The following SLC35F2 variants were observed in gnomAD, a reference collection of about 807,000 sequenced individuals.
SLC35F2 encodes the protein queuine/queuosine transporter SLC35F2.
Under a neutral mutation model 38.1 loss-of-function variants are expected in SLC35F2, and 25 were observed. The ratio of observed to expected loss-of-function variants is 0.66; its 90% CI spans 0.48 to 0.92. SLC35F2 has a LOEUF of 0.92. Among genes scored for constraint, SLC35F2 ranks in the 40% least tolerant of loss-of-function variants. The probability of loss-of-function intolerance (pLI) is 0.00; values close to 1 mark genes in which losing one functional copy is unlikely to be tolerated. For synonymous variants in SLC35F2, 173 were observed against 181.7 expected (o/e 0.95, Z 0.38); for missense variants, 409 against 452.9 (o/e 0.90, Z 0.88).
intron 6 of SLC35F2, chr11:107,803,487 G>C (rs1298918049): frequency 3.0e-6 from 3 of 984,948 alleles, no homozygotes; most frequent in Non-Finnish European, 3.6e-6. Flanking sequence ...GTGATAAAAG[G>C]CCAATAAAGG....
At chr11:107,805,549 T>C (rs757709391) in intron 4 of SLC35F2, 34 bp from the exon 5 acceptor site, 1 of 1,599,780 alleles carries the variant, frequency 6.3e-7, no homozygotes, top group South Asian at 1.1e-5. Flanking sequence ...AGCAAAACAC[T>C]GTCAACAGAT....
At chr11:107,832,523 C>A (rs1381499076) in intron 1 of SLC35F2, among the ~76,000 whole-genome samples, 1 of 152,148 alleles carries the variant, frequency 6.6e-6, no homozygotes, top group African/African-American at 2.4e-5. Context: ...CTATTTACAG[C>A]CAAGTGTGGT....
chr11:107,801,164 C>G (rs1859302746), intron 7 of SLC35F2, among the ~76,000 whole-genome samples: 3 of 151,998 alleles, frequency 2.0e-5, no homozygotes, highest in Admixed American at 1.3e-4. Flanking sequence ...TCCTCAGCTT[C>G]CCAAAGTGCT....
intron 1 of SLC35F2, among the ~76,000 whole-genome samples, chr11:107,831,245 T>C (rs79546301): frequency 0.012 from 1,890 of 152,316 alleles, 57 homozygotes; most frequent in African/African-American, 0.044. Flanking sequence ...CCAAATGTGA[T>C]TATCAGGAAG....
At chr11:107,840,944 T>C (rs1860005198) in intron 1 of SLC35F2, among the ~76,000 whole-genome samples, 1 of 151,788 alleles carries the variant, frequency 6.6e-6, no homozygotes, top group Admixed American at 6.6e-5. Context: ...GGCGAGGAGA[T>C]TTCCTATGAG....
Position 107,802,246 on chromosome 11 carries a change from T to A in SLC35F2, c.939+755A>T, listed in dbSNP as rs910643297. Among the ~76,000 whole-genome samples, 83 of 137,874 alleles carry A rather than the reference T, an allele frequency of 6.0e-4. 1 individual carries two copies. Among genetic ancestry groups the A allele is most frequent in the Admixed American group, 5.0e-3 (71 of 14,192 alleles). 90.5% of individuals were successfully genotyped at this position (137,874 alleles called of 152,430 possible). ...GAGTGAGACTCCATCTCAAAAAAAA[T>A]AAATAAATAATAAAATAAAATAAAT... is the stretch of plus-strand genomic sequence containing the variant. On this transcript the variant is annotated intron_variant, in intron 7 of 7. Transcript: ENST00000525815.
chr11:107,798,693 A>G (rs76894694), intron 7 of SLC35F2, among the ~76,000 whole-genome samples: 3,525 of 152,284 alleles, frequency 0.023, 64 homozygotes, highest in Non-Finnish European at 0.033. Flanking sequence ...CTCTTTTTCA[A>G]CTGTCTGCTT....
At chr11:107,812,997 T>C (rs917384418) in intron 2 of SLC35F2, among the ~76,000 whole-genome samples, 3 of 152,216 alleles carry the variant, frequency 2.0e-5, no homozygotes, top group African/African-American at 4.8e-5. Flanking sequence ...ATTAATTGGA[T>C]TCACTACTTT....
intron 1 of SLC35F2, chr11:107,858,408 C>A: frequency 2.8e-6 from 1 of 353,184 alleles, no homozygotes; most frequent in Admixed American, 4.7e-5. Flanking sequence ...GGGTTTCCCC[C>A]CAAATCCTCC....
At chr11:107,856,529 T>C (rs1860283925) in intron 1 of SLC35F2, among the ~76,000 whole-genome samples, 1 of 152,184 alleles carries the variant, frequency 6.6e-6, no homozygotes, top group Admixed American at 6.5e-5. Context: ...ACCCCATCTC[T>C]ACTAAAAGCA....
chr11:107,835,247 C>A (rs1208889362), intron 1 of SLC35F2, among the ~76,000 whole-genome samples: 1 of 152,132 alleles, frequency 6.6e-6, no homozygotes, highest in Non-Finnish European at 1.5e-5. Context: ...GCCTTGTCTG[C>A]GGGAGGTCAT....
intron 7 of SLC35F2, among the ~76,000 whole-genome samples, chr11:107,801,412 TCTCA>T (rs774046704): frequency 6.1e-4 from 92 of 151,828 alleles, no homozygotes; most frequent in African/African-American, 1.9e-3. Context: ...ATGAAATTCT[TCTCA>T]CTATTTTTTT....
chr11:107,854,501 T>C (rs113138610), intron 1 of SLC35F2, among the ~76,000 whole-genome samples: 2 of 152,160 alleles, frequency 1.3e-5, no homozygotes, highest in Non-Finnish European at 2.9e-5. Flanking sequence ...TGGAAGTCTA[T>C]GGTCTTCTAT....
chr11:107,823,253 T>C, intron 1 of SLC35F2: 1 of 982,306 alleles, frequency 1.0e-6, no homozygotes, highest in African/African-American at 1.7e-5. Context: ...AATTATTCTT[T>C]TCTTTTTATT....
intron 1 of SLC35F2, among the ~76,000 whole-genome samples, chr11:107,825,228 T>C (rs1387062819): frequency 2.0e-5 from 3 of 152,202 alleles, no homozygotes; most frequent in Non-Finnish European, 4.4e-5. Flanking sequence ...CTGGGGGTTA[T>C]AGTATTGAAT....
At chr11:107,834,938 A>C (rs1265387613) in intron 1 of SLC35F2, among the ~76,000 whole-genome samples, 1 of 152,192 alleles carries the variant, frequency 6.6e-6, no homozygotes, top group East Asian at 1.9e-4. Context: ...TGTCCACACT[A>C]CTGAAATATA....
intron 1 of SLC35F2, among the ~76,000 whole-genome samples, chr11:107,826,905 C>T (rs186599863): frequency 8.9e-4 from 135 of 152,078 alleles, no homozygotes; most frequent in Middle Eastern, 3.4e-3. Flanking sequence ...GGAGTATTTA[C>T]AAATACTGTG....
chr11:107,841,424 G>A (rs2134842701), intron 1 of SLC35F2, among the ~76,000 whole-genome samples: 2 of 152,090 alleles, frequency 1.3e-5, no homozygotes, highest in South Asian at 4.2e-4. Context: ...TTAGCCAAGT[G>A]TGGTGGTGCA....
intron 1 of SLC35F2, among the ~76,000 whole-genome samples, chr11:107,835,104 C>T (rs1043987594): frequency 9.7e-4 from 148 of 152,194 alleles, no homozygotes; most frequent in Non-Finnish European, 8.8e-5. Context: ...GGCCAACAAT[C>T]AATGCCTTAA....
Sources: allele counts gnomAD v4.1 joint callset (sites outside exome capture counted in the v4.1 genomes callset), GRCh38; gene constraint gnomAD v4.1.1; transcripts MANE v1.5; gene names NCBI Gene and HGNC (gene_info 2026-07-23, HGNC 2026-07-21).